The following LAMTOR5 variants were observed in gnomAD, a reference collection of about 807,000 sequenced individuals.
The protein encoded by LAMTOR5 is late endosomal/lysosomal adaptor, MAPK and MTOR activator 5, also known as ragulator complex protein LAMTOR5.
In LAMTOR5, 8 loss-of-function variants were observed where a neutral mutation model predicts 12.1. That is an observed-to-expected ratio of 0.66 (90% CI 0.39 to 1.19). LAMTOR5 has a LOEUF of 1.19. Among genes scored for constraint, LAMTOR5 ranks in the 50% most tolerant of loss-of-function variants. LAMTOR5 has a pLI of 0.01. For synonymous variants in LAMTOR5, 37 were observed against 41.9 expected (o/e 0.88, Z 0.45); for missense variants, 110 against 112.8 (o/e 0.97, Z 0.11).
chr1:110,405,795 A>G (rs1009421552), intron 2 of LAMTOR5, among the ~76,000 whole-genome samples: 2 of 152,236 alleles, frequency 1.3e-5, no homozygotes, highest in Non-Finnish European at 2.9e-5. Flanking sequence ...CCTAAAAGGT[A>G]GTTTTTTGGT....
intron 1 of LAMTOR5, 84 bp downstream of exon 1, chr1:110,407,502 G>A: frequency 1.3e-6 from 2 of 1,505,260 alleles, no homozygotes; most frequent in South Asian, 1.2e-5. Flanking sequence ...CGCCCTGGCC[G>A]GTACTCGCAG....
At chr1:110,406,455 G>A in intron 1 of LAMTOR5, 76 bp from the exon 2 acceptor site, 1 of 965,930 alleles carries the variant, frequency 1.0e-6, no homozygotes, top group Non-Finnish European at 1.6e-6. Flanking sequence ...ACATACAGGT[G>A]TTCTATGTAC....
chr1:110,402,205 G>A (rs879931342), intron 3 of LAMTOR5, among the ~76,000 whole-genome samples: 1 of 152,090 alleles, frequency 6.6e-6, no homozygotes, highest in Non-Finnish European at 1.5e-5. Context: ...AGTACGTAAC[G>A]CTTGATAATA....
At chr1:110,407,296 A>T in intron 1 of LAMTOR5, 1 of 588,172 alleles carries the variant, frequency 1.7e-6, no homozygotes, top group South Asian at 2.2e-5. Flanking sequence ...CCGCAGAACC[A>T]CCCTGACCGT....
At chr1:110,403,812 A>G in intron 3 of LAMTOR5, 107 bp downstream of exon 3, 1 of 1,481,070 alleles carries the variant, frequency 6.8e-7, no homozygotes. Flanking sequence ...AACTTTTCCC[A>G]AAGTAGTCTG....
At chr1:110,406,946 A>C in intron 1 of LAMTOR5, 1 of 592,434 alleles carries the variant, frequency 1.7e-6, no homozygotes, top group Non-Finnish European at 3.1e-6. Flanking sequence ...CACTGCGTGA[A>C]AAACATCTAG....
At chr1:110,403,499 A>G (rs1663266894) in intron 3 of LAMTOR5, 1 of 156,270 alleles carries the variant, frequency 6.4e-6, no homozygotes, top group Non-Finnish European at 1.4e-5. Context: ...AGTCTCAGCT[A>G]CAACTCGGGA....
rs763789484 is a variant in LAMTOR5 at position 110,407,586 on chromosome 1, G to A, written c.35C>T (p.Thr12Ile). The change falls in exon 1 of 4, where the codon ACA (threonine) becomes ATA (isoleucine). Residue 12 changes from threonine to isoleucine, a missense_variant and splice_region_variant. Physicochemically the swap from Thr to Ile is moderately conservative, Grantham distance 89 (BLOSUM62 -1). Coordinates refer to ENST00000602318, the MANE Select transcript of LAMTOR5 (RefSeq NM_001382293.1). Reference sequence around the variant, plus strand: ...GGCCGAAGAGGCGCGCACTACTCACGTGTCTTCCAAGTGCTGCTCCAAGGT... The same window carrying A: ...GGCCGAAGAGGCGCGCACTACTCACATGTCTTCCAAGTGCTGCTCCAAGGT... ...EATLEQHLED[T>I]MKNPSIVGVL... The A allele has an allele frequency of 2.8e-5, 45 of 1,613,780 alleles. No individual in the cohort carries two copies. The highest frequency in any genetic ancestry group is 3.6e-5 in the Non-Finnish European group (43 of 1,179,928).
Position 110,407,675 on chromosome 1 carries a change from A to C in LAMTOR5, c.-55T>G. On this transcript the variant is annotated 5_prime_UTR_variant, in exon 1 of 4. Coordinates refer to ENST00000602318, the MANE Select transcript of LAMTOR5 (RefSeq NM_001382293.1). ...CCAGCGGCACGGCACGTCCTTCTCC[A>C]CCACAGGCCTCAGTCACTTGACGCG... 1.2e-6 allele frequency: 2 copies of C among 1,614,088 alleles called. No homozygotes were observed. The highest frequency in any genetic ancestry group is 1.7e-6 in the Non-Finnish European group (2 of 1,180,010).
chr1:110,407,774 G>A (rs1440995703), upstream of LAMTOR5: 1 of 1,614,056 alleles, frequency 6.2e-7, no homozygotes, highest in African/African-American at 1.3e-5. Flanking sequence ...GTTCTTTACT[G>A]GAAAACATCA....
intron 2 of LAMTOR5, among the ~76,000 whole-genome samples, chr1:110,405,229 C>T (rs572689258): frequency 2.0e-5 from 3 of 151,932 alleles, no homozygotes; most frequent in East Asian, 2.0e-4. Flanking sequence ...GGTGCAATCT[C>T]GGCTTACTGC....
intron 3 of LAMTOR5, 32 bp downstream of exon 3, chr1:110,403,887 A>C: frequency 6.2e-7 from 1 of 1,608,066 alleles, no homozygotes; most frequent in Non-Finnish European, 8.5e-7. Context: ...TTTTCTGAAC[A>C]AAAAGGAAAG....
At chr1:110,401,841 G>A (rs1226110883) in intron 3 of LAMTOR5, among the ~76,000 whole-genome samples, 2 of 152,046 alleles carry the variant, frequency 1.3e-5, no homozygotes, top group African/African-American at 2.4e-5. Flanking sequence ...GGTTTTTTAG[G>A]CACTGTCTTG....
At chr1:110,403,674 T>TA (rs1663270265) in intron 3 of LAMTOR5, 3 of 433,696 alleles carry the variant, frequency 6.9e-6, no homozygotes, top group Non-Finnish European at 1.2e-5. Flanking sequence ...TGCTATTTGT[T>TA]ACTTTCTTTT....
chr1:110,407,539 C>T (rs753956939), intron 1 of LAMTOR5, 47 bp downstream of exon 1: 6 of 1,592,060 alleles, frequency 3.8e-6, no homozygotes, highest in South Asian at 3.3e-5. Context: ...CGCTCAAGTT[C>T]CTCCGCCGCG....
chr1:110,403,970 A>G lies in LAMTOR5; in HGVS notation c.164T>C (p.Leu55Pro). The change falls in exon 3 of 4, where the codon CTA becomes CCA. Residue 55 changes from leucine to proline, a missense_variant. Physicochemically the swap from Leu to Pro is moderately conservative, Grantham distance 98. Transcript: ENST00000602318. ...AGGAATATCAGTGGGGTCAGAGGTTAGCTTAGCTGCTTGCTGGGCTAGAAC... is the reference window on the plus strand; with the variant it reads ...AGGAATATCAGTGGGGTCAGAGGTTGGCTTAGCTGCTTGCTGGGCTAGAAC... ...ISVLAQQAAK[L>P]TSDPTDIPVV... is the part of the protein sequence containing the mutation. 6.2e-7 allele frequency: 1 copy of G among 1,614,252 alleles called. No homozygotes were observed. The highest frequency in any genetic ancestry group is 8.5e-7 in the Non-Finnish European group (1 of 1,180,058).
rs533963771 is a variant in LAMTOR5 at position 110,402,658 on chromosome 1, C to T, written c.216-1075G>A. ...GGTATTCCAGAAGGTATCATCATTACAGGAGATGACAACTCCATGCATGTT... is the reference window on the plus strand; with the variant it reads ...GGTATTCCAGAAGGTATCATCATTATAGGAGATGACAACTCCATGCATGTT... On this transcript the variant is annotated intron_variant, in intron 3 of 3. Coordinates refer to ENST00000602318, the MANE Select transcript of LAMTOR5 (RefSeq NM_001382293.1). Among the ~76,000 whole-genome samples the T allele has an allele frequency of 2.5e-3, 388 of 152,262 alleles. 1 individual carries two copies. The highest frequency in any genetic ancestry group is 3.8e-3 in the Non-Finnish European group (259 of 68,022).
At chr1:110,405,463 C>A (rs1049478872) in intron 2 of LAMTOR5, among the ~76,000 whole-genome samples, 1 of 151,994 alleles carries the variant, frequency 6.6e-6, no homozygotes, top group African/African-American at 2.4e-5. Context: ...CCGCATCCGG[C>A]CTCTTTTTTT....
chr1:110,404,138 A>G (rs1280626353), intron 2 of LAMTOR5, 102 bp from the exon 3 acceptor site: 5 of 1,513,638 alleles, frequency 3.3e-6, no homozygotes, highest in Non-Finnish European at 4.4e-6. Context: ...TTGTCTTTTT[A>G]TTAATGTCTG....
Sources: gnomAD v4.1 joint callset for allele counts (sites outside exome capture counted in the v4.1 genomes callset) on GRCh38, gnomAD v4.1.1 for gene constraint, MANE v1.5 for transcripts, NCBI Gene and HGNC (gene_info 2026-07-23, HGNC 2026-07-21) for gene names.